PALD1: variants seen among roughly 807,000 people sequenced by gnomAD.
PALD1 encodes the protein phosphatase domain containing paladin 1.
A neutral mutation model predicts 96.0 loss-of-function variants in PALD1; 57 were observed. The ratio of observed to expected loss-of-function variants is 0.59; its 90% confidence interval spans 0.48 to 0.74. The LOEUF (loss-of-function observed/expected upper bound fraction) is 0.74. Ranked by LOEUF, PALD1 falls within the 30% of genes least tolerant of loss-of-function variation. The pLI, the probability that PALD1 is intolerant of heterozygous loss-of-function variation, is 0.00. For synonymous variants in PALD1, 464 were observed against 473.6 expected (o/e 0.98, Z 0.26); for missense variants, 1,063 against 1,143.7 (o/e 0.93, Z 1.02).
At chr10:70,514,753 G>A (rs1266297423) in intron 1 of PALD1, among the ~76,000 whole-genome samples, 2 of 152,202 alleles carry the variant, frequency 1.3e-5, no homozygotes, top group African/African-American at 2.4e-5. Flanking sequence ...GGGAACACGC[G>A]CTGCAGTGGG....
At chr10:70,517,498 C>T (rs565021396) in intron 1 of PALD1, among the ~76,000 whole-genome samples, 5 of 152,094 alleles carry the variant, frequency 3.3e-5, no homozygotes, top group South Asian at 4.2e-4. Flanking sequence ...TGTGCCAGTA[C>T]GCCTGGCAAA....
At chr10:70,468,307 G>A in the PALD1 span, among the ~76,000 whole-genome samples, 1,220 of 152,104 alleles carry the variant, frequency 8.0e-3, 3 homozygotes, top group Middle Eastern at 0.037. Context: ...GCAATGGCGC[G>A]ATCTCGGCTC....
chr10:70,477,818 T>C (rs897601191), upstream of PALD1, among the ~76,000 whole-genome samples: 1 of 151,932 alleles, frequency 6.6e-6, no homozygotes, highest in African/African-American at 2.4e-5. Flanking sequence ...GTGAGGCAGG[T>C]GGTAACAGGT....
At chr10:70,558,003 G>A (rs1847648214) in intron 18 of PALD1, among the ~76,000 whole-genome samples, 1 of 144,894 alleles carries the variant, frequency 6.9e-6, no homozygotes, top group South Asian at 2.3e-4. Context: ...GCGCAGTCAT[G>A]GTTCACTGAC....
intron 1 of PALD1, among the ~76,000 whole-genome samples, chr10:70,509,141 G>A (rs962017828): frequency 3.3e-5 from 5 of 152,152 alleles, no homozygotes; most frequent in Non-Finnish European, 5.9e-5. Flanking sequence ...CCATGGCTCC[G>A]GAAGGGGTAC....
intron 10 of PALD1, 137 bp from the exon 11 acceptor site, chr10:70,537,674 G>T: frequency 1.6e-6 from 1 of 633,046 alleles, no homozygotes; most frequent in East Asian, 2.6e-5. Flanking sequence ...CTTACAGCCT[G>T]GCAGAACTGT....
intron 1 of PALD1, among the ~76,000 whole-genome samples, chr10:70,494,613 C>T (rs949207149): frequency 1.3e-5 from 2 of 152,152 alleles, no homozygotes; most frequent in Non-Finnish European, 2.9e-5. Context: ...CCCTTGTCAG[C>T]GGGGTAATTA....
intron 1 of PALD1, among the ~76,000 whole-genome samples, chr10:70,487,130 ATTTTTTTTT>A (rs10669002): frequency 9.1e-6 from 1 of 110,424 alleles, no homozygotes; most frequent in Non-Finnish European, 1.8e-5. Flanking sequence ...TCTGAGCCCA[ATTTTTTTTT>A]TTTTTTTTTT....
intron 10 of PALD1, 34 bp from the exon 11 acceptor site, chr10:70,537,777 G>A: frequency 7.0e-7 from 1 of 1,434,954 alleles, no homozygotes; most frequent in Non-Finnish European, 9.8e-7. Flanking sequence ...ACTGCCTGAG[G>A]AGTCTGTCCT....
chr10:70,543,732 C>T (rs776933964), intron 17 of PALD1, among the ~76,000 whole-genome samples: 23 of 152,182 alleles, frequency 1.5e-4, no homozygotes, highest in Admixed American at 3.3e-4. Flanking sequence ...TTAGTCTTTG[C>T]ATCGGTGCCT....
At chr10:70,547,677 T>A (rs975523651) in intron 18 of PALD1, among the ~76,000 whole-genome samples, 8 of 152,142 alleles carry the variant, frequency 5.3e-5, no homozygotes. Flanking sequence ...GGGAGATGCA[T>A]GCAGGGGCCA....
At chr10:70,535,269 C>T (rs148256708) in intron 10 of PALD1, among the ~76,000 whole-genome samples, 18 of 152,314 alleles carry the variant, frequency 1.2e-4, no homozygotes, top group South Asian at 2.1e-4. Flanking sequence ...CATGCCTTAG[C>T]GAAAGGAGGT....
At chr10:70,463,123 C>T in the PALD1 span, among the ~76,000 whole-genome samples, 5 of 151,984 alleles carry the variant, frequency 3.3e-5, no homozygotes, top group Admixed American at 6.6e-5. Context: ...ACAAAAAATG[C>T]GCCGGTCATG....
chr10:70,532,907 C>A, intron 6 of PALD1, 88 bp from the exon 7 acceptor site: 1 of 1,505,624 alleles, frequency 6.6e-7, no homozygotes, highest in South Asian at 1.2e-5. Flanking sequence ...ACAGTGGGGC[C>A]CATTTCCAAA....
chr10:70,557,474 T>C (rs1279723114), intron 18 of PALD1, among the ~76,000 whole-genome samples: 1 of 152,196 alleles, frequency 6.6e-6, no homozygotes, highest in Non-Finnish European at 1.5e-5. Context: ...CGGCACCAGG[T>C]CAAGTCCCTT....
intron 18 of PALD1, among the ~76,000 whole-genome samples, chr10:70,548,340 C>T (rs1847409798): frequency 6.6e-6 from 1 of 152,130 alleles, no homozygotes; most frequent in Non-Finnish European, 1.5e-5. Context: ...TTTCATGTAA[C>T]CATCTGGATT....
intron 1 of PALD1, among the ~76,000 whole-genome samples, chr10:70,489,741 G>T (rs1045882757): frequency 2.0e-5 from 3 of 152,052 alleles, no homozygotes; most frequent in African/African-American, 7.3e-5. Context: ...AAGAGCTGTT[G>T]TCTCACCACA....
intron 18 of PALD1, among the ~76,000 whole-genome samples, chr10:70,552,195 G>A (rs933097782): frequency 8.5e-5 from 13 of 152,204 alleles, no homozygotes; most frequent in Non-Finnish European, 1.6e-4. Flanking sequence ...CAACAGCTCC[G>A]GCTTCTGGGC....
chr10:70,506,759 G>A (rs977278419), intron 1 of PALD1, among the ~76,000 whole-genome samples: 6 of 152,060 alleles, frequency 3.9e-5, no homozygotes, highest in African/African-American at 1.4e-4. Context: ...GAGACCCAGG[G>A]GTCTCAATCA....
Sources: gnomAD v4.1 joint callset for allele counts (sites outside exome capture counted in the v4.1 genomes callset) on GRCh38, gnomAD v4.1.1 for gene constraint, MANE v1.5 for transcripts, NCBI Gene and HGNC (gene_info 2026-07-23, HGNC 2026-07-21) for gene names.